The following SFXN3 variants were observed in gnomAD, a reference collection of about 807,000 sequenced individuals.
SFXN3 encodes the protein sideroflexin 3.
A neutral mutation model predicts 40.4 loss-of-function variants in SFXN3; 31 were observed. The ratio of observed to expected loss-of-function variants is 0.77; its 90% CI spans 0.58 to 1.04. The LOEUF (loss-of-function observed/expected upper bound fraction) is 1.04. Ranked by LOEUF, SFXN3 falls within the 50% of genes least tolerant of loss-of-function variation. The pLI is 0.00. For missense variants in SFXN3, 366 were observed against 408.2 expected, an observed-to-expected ratio of 0.90 and a Z score of 0.89; for synonymous variants, 157 against 160.0, an observed-to-expected ratio of 0.98 and a Z score of 0.14.
chr10:101,038,615 G>C, intron 9 of SFXN3, 28 bp from the exon 10 acceptor site: 1 of 1,613,898 alleles, frequency 6.2e-7, no homozygotes, highest in Middle Eastern at 1.7e-4. Context: ...GACACAAGCC[G>C]TTCCATTGTC....
intron 2 of SFXN3, among the ~76,000 whole-genome samples, chr10:101,032,978 G>A (rs1938386207): frequency 6.6e-6 from 1 of 152,218 alleles, no homozygotes; most frequent in South Asian, 2.1e-4. Flanking sequence ...GAGAGAGGTG[G>A]ATGAGTGTCT....
chr10:101,033,660 C>T (rs1162532854), intron 2 of SFXN3, among the ~76,000 whole-genome samples: 1 of 152,190 alleles, frequency 6.6e-6, no homozygotes. Flanking sequence ...GACCGGCGTT[C>T]AGCATACCAA....
rs774900969 is a variant in SFXN3 at position 101,035,981 on chromosome 10, G to A, written c.333-22G>A. On this transcript the variant is annotated intron_variant, in intron 4 of 11. Coordinates refer to ENST00000393459, the Ensembl canonical transcript of SFXN3. ...GAGGGCCACTGTAGACGGGGCAGAA[G>A]TGAGTGTCTTTGTTCCCTCAGGAAG... The A allele has an allele frequency of 3.8e-6, 6 of 1,599,758 alleles. No homozygotes were observed. The African/African-American group carries it at 5.4e-5, about 14-fold the overall frequency.
At position 101,037,562 on chromosome 10, in the gene SFXN3, C is replaced by T. The variant is rs573753549; in HGVS notation, c.771+131C>T. 16 of 1,577,228 alleles carry T rather than the reference C, an allele frequency of 1.0e-5. No homozygotes were observed. The Admixed American group carries it at 2.3e-4, about 23-fold the overall frequency. On this transcript the variant is annotated intron_variant, in intron 9 of 11. Transcript: ENST00000393459. ...CCTTCTCCTGACCCCTGCACCGCCT[C>T]CTCCACCTTCGTTCATTCAGCAAGA...
At chr10:101,032,337 C>T (rs3740497) in exon 2 of SFXN3, 72,775 of 1,077,534 alleles carry the variant, frequency 0.068, 3,729 homozygotes, top group East Asian at 0.22. Context: ...CCGTGCCCAC[C>T]GGGTGGGCGC....
intron 10 of SFXN3, among the ~76,000 whole-genome samples, 200 bp from the exon 11 acceptor site, chr10:101,038,975 T>C (rs1281850246): frequency 6.6e-6 from 1 of 152,142 alleles, no homozygotes; most frequent in Non-Finnish European, 1.5e-5. Context: ...ATTTAATTCC[T>C]GATTCTGCCA....
At chr10:101,034,193 G>A (rs1302636208) in intron 2 of SFXN3, among the ~76,000 whole-genome samples, 3 of 152,128 alleles carry the variant, frequency 2.0e-5, no homozygotes, top group Admixed American at 6.5e-5. Flanking sequence ...AAGAAACCTT[G>A]GACGATACCC....
chr10:101,036,551 C>T lies in SFXN3; in HGVS notation c.497C>T (p.Ser166Phe). The change falls in exon 6 of 12, where the codon TCC (serine) becomes TTC (phenylalanine). Residue 166 changes from serine to phenylalanine, a missense_variant. Coordinates refer to ENST00000393459, the Ensembl canonical transcript of SFXN3. The surrounding 1 kb of genome is among the most constrained non-coding windows in gnomAD (Gnocchi z 4.2). ...GTGGCCACGGCCCTGGGACTCAAAT[C>T]CCTCACCAAGGTAAAGGCCCCTCAC... The T allele has an allele frequency of 6.2e-7, 1 of 1,614,102 alleles. No individual in the cohort carries two copies. The highest frequency in any genetic ancestry group is 8.5e-7 in the Non-Finnish European group (1 of 1,179,994).
rs562435936 is a variant in SFXN3, at chr10:101,038,312, TAA to T, written c.772-330_772-329del. The T allele has an allele frequency of 2.4e-6, 3 of 1,255,428 alleles. No homozygotes were observed. The African/African-American group carries it at 4.6e-5, about 19-fold the overall frequency. 77.8% of individuals were successfully genotyped at this position (1,255,428 alleles called of 1,614,324 possible). On this transcript the variant is annotated intron_variant, in intron 9 of 11. Coordinates refer to ENST00000393459, the Ensembl canonical transcript of SFXN3. ...TTCATGCCACTGGGATGGGAAGAGG[TAA>T]GTGGAGGTTCACAGGAGGTTTCCTG...
At chr10:101,037,725 C>T in intron 9 of SFXN3, 1 of 1,355,406 alleles carries the variant, frequency 7.4e-7, no homozygotes, top group Non-Finnish European at 9.5e-7. Flanking sequence ...ATCTCATGCT[C>T]ATTCTTTTAC....
rs1010873066 is a variant in SFXN3 at position 101,036,201 on chromosome 10, G to A, written c.431+100G>A. On this transcript the variant is annotated intron_variant, in intron 5 of 11. Transcript: ENST00000393459. This position sits in a 1 kb window ranked among gnomAD's most constrained non-coding sequence, Gnocchi z 4.2. Reference sequence around the variant, plus strand: ...TTCTCTCCGGTTCCCTGTGGACCATGCAGCCAGTGCTCAGCGCCCTCTCCT... The same window carrying A: ...TTCTCTCCGGTTCCCTGTGGACCATACAGCCAGTGCTCAGCGCCCTCTCCT... 2.9e-6 allele frequency: 3 copies of A among 1,020,590 alleles called. No individual in the cohort carries two copies. The highest frequency in any genetic ancestry group is 1.4e-5 in the South Asian group (1 of 72,596). The allele number at this position is 1,020,590 out of a possible 1,614,324, so 63.2% of individuals were successfully genotyped here. A position where few individuals can be genotyped will look rare whatever the true frequency, so the allele number is the denominator to read the frequency against.
intron 1 of SFXN3, 111 bp from the exon 2 acceptor site, chr10:101,032,202 AG>A (rs1368721711): frequency 7.6e-6 from 3 of 393,944 alleles, no homozygotes; most frequent in Non-Finnish European, 4.6e-6. Context: ...TTGGCTGGGG[AG>A]GGGGCCAGAA....
At position 101,039,524 on chromosome 10, in the gene SFXN3, G is replaced by C; in HGVS notation, c.905G>C (p.Arg302Thr). 6.2e-7 allele frequency: 1 copy of C among 1,614,102 alleles called. No homozygotes were observed. Among genetic ancestry groups the C allele is most frequent in the Non-Finnish European group, 8.5e-7 (1 of 1,179,990 alleles). ...ATAAGCAACCTGGAACCAGAGCTGA[G>C]AGCTCAGATCCATGAGCAAAACCCC... is the stretch of plus-strand genomic sequence containing the variant. Residue 302 changes from arginine to threonine, a missense_variant, in exon 12 of 12, where the codon AGA becomes ACA. Transcript: ENST00000393459. This position sits in a 1 kb window ranked among gnomAD's most constrained non-coding sequence, Gnocchi z 4.6.
chr10:101,034,162 A>C (rs983448220), intron 2 of SFXN3, among the ~76,000 whole-genome samples: 2 of 152,212 alleles, frequency 1.3e-5, no homozygotes, highest in Non-Finnish European at 2.9e-5. Context: ...CCACGAGGCC[A>C]TATTTCAGAC....
At position 101,036,186 on chromosome 10, in the gene SFXN3, T is replaced by G; in HGVS notation, c.431+85T>G. 1.7e-6 allele frequency: 2 copies of G among 1,165,020 alleles called. No individual in the cohort carries two copies. The highest frequency in any genetic ancestry group is 2.6e-6 in the Non-Finnish European group (2 of 783,578). 72.2% of individuals were successfully genotyped at this position (1,165,020 alleles called of 1,614,324 possible). A position where few individuals can be genotyped will look rare whatever the true frequency, so the allele number is the denominator to read the frequency against. ...GCAGTGCCCTCTCCTTTCTCTCCGG[T>G]TCCCTGTGGACCATGCAGCCAGTGC... On this transcript the variant is annotated intron_variant, in intron 5 of 11. Transcript: ENST00000393459. The surrounding 1 kb of genome is among the most constrained non-coding windows in gnomAD (Gnocchi z 4.2).
chr10:101,037,448 C>T lies in SFXN3; in HGVS notation c.771+17C>T. ...TTCCTGAAGGTAGGCGACTGTACCT[C>T]TCTTGTCCTGGAATGGGCGATGGCT... On this transcript the variant is annotated intron_variant, in intron 9 of 11. Transcript: ENST00000393459. 1.2e-6 allele frequency: 2 copies of T among 1,614,236 alleles called. No homozygotes were observed. Among genetic ancestry groups the T allele is most frequent in the Non-Finnish European group, 1.7e-6 (2 of 1,180,046 alleles).
intron 3 of SFXN3, 49 bp downstream of exon 3, chr10:101,034,904 G>A: frequency 6.3e-7 from 1 of 1,588,964 alleles, no homozygotes; most frequent in Non-Finnish European, 8.6e-7. Context: ...CATTTTCTGT[G>A]ATTAATATAA....
rs1447635462 is a variant in SFXN3, at chr10:101,036,642, CTA to C, written c.508-77_508-76del. ...TCCTCATCACACCTCCAGTTCTGACCTATATGCCCCCTATATCTCCCCAGAGT... is the reference window on the plus strand; with the variant it reads ...TCCTCATCACACCTCCAGTTCTGACCTATGCCCCCTATATCTCCCCAGAGT... On this transcript the variant is annotated intron_variant, in intron 6 of 11. Transcript: ENST00000393459. This position sits in a 1 kb window ranked among gnomAD's most constrained non-coding sequence, Gnocchi z 4.2. The C allele has an allele frequency of 1.2e-6, 2 of 1,610,762 alleles. No individual in the cohort carries two copies. Among genetic ancestry groups the C allele is most frequent in the Admixed American group, 3.3e-5 (2 of 59,808 alleles).
rs1229855353 is a variant in SFXN3 at position 101,036,839 on chromosome 10, G to A, written c.593+31G>A. On this transcript the variant is annotated intron_variant, in intron 7 of 11. Transcript: ENST00000393459. This position sits in a 1 kb window ranked among gnomAD's most constrained non-coding sequence, Gnocchi z 4.2. ...TGACCCCGGCTCCTGGCATGTGCAT[G>A]CCCAGAATGTAGCACACTGTCCATC... 1.9e-6 allele frequency: 3 copies of A among 1,609,640 alleles called. No individual in the cohort carries two copies. Among genetic ancestry groups the A allele is most frequent in the Middle Eastern group, 1.7e-4 (1 of 6,050 alleles).
Sources: allele counts gnomAD v4.1 joint callset (sites outside exome capture counted in the v4.1 genomes callset), GRCh38; gene constraint gnomAD v4.1.1; non-coding constraint Gnocchi (gnomAD v3.1); transcripts MANE v1.5; gene names NCBI Gene and HGNC (gene_info 2026-07-23, HGNC 2026-07-21).